The following CDH13 variants were observed in gnomAD, a reference collection of about 807,000 sequenced individuals.
CDH13 encodes cadherin-13.
CDH13 carries 24 observed loss-of-function variants against 63.8 expected under a neutral mutation model. The observed-to-expected ratio is 0.38, with a 90% CI of 0.27 to 0.53. The LOEUF is 0.53. CDH13 is among the 20% of genes least tolerant of loss of function. The pLI is 0.85. For synonymous variants in CDH13, 503 were observed against 355.3 expected, an observed-to-expected ratio of 1.42 and a Z score of -4.67; for missense variants, 1,049 against 903.1, an observed-to-expected ratio of 1.16 and a Z score of -2.07.
intron 6 of CDH13, among the ~76,000 whole-genome samples, chr16:83,457,304 G>T (rs1567685454): frequency 1.3e-5 from 2 of 152,138 alleles, no homozygotes; most frequent in South Asian, 4.1e-4. Context: ...ACCTCTAATT[G>T]TTACAGCTTA....
Position 83,113,907 on chromosome 16 carries a change from C to G in CDH13, c.367-11478C>G, listed in dbSNP as rs1010869819. On this transcript the variant is annotated intron_variant, in intron 3 of 13. Transcript: ENST00000567109. Reference sequence around the variant, plus strand: ...TGGATCTTCCTGGCCTTAGGAAACCCAGAGGCTTCATCCTTTGGCAAGGGG... The same window carrying G: ...TGGATCTTCCTGGCCTTAGGAAACCGAGAGGCTTCATCCTTTGGCAAGGGG... Among the ~76,000 whole-genome samples the G allele has an allele frequency of 5.3e-5, 8 of 152,110 alleles. No individual in the cohort carries two copies. In the South Asian group the frequency reaches 6.2e-4, roughly 12 times the overall value.
intron 2 of CDH13, among the ~76,000 whole-genome samples, chr16:82,875,784 A>C (rs1321483298): frequency 6.6e-6 from 1 of 152,218 alleles, no homozygotes; most frequent in Non-Finnish European, 1.5e-5. Flanking sequence ...TTTAATAGTA[A>C]AGGAGTGTTA....
intron 7 of CDH13, among the ~76,000 whole-genome samples, chr16:83,492,097 T>A (rs1266844317): frequency 6.6e-6 from 1 of 152,082 alleles, no homozygotes; most frequent in East Asian, 1.9e-4. Context: ...ATGTATTTGG[T>A]CAAAATGACC....
At chr16:83,395,968 C>T (rs2091879661) in intron 6 of CDH13, among the ~76,000 whole-genome samples, 1 of 152,072 alleles carries the variant, frequency 6.6e-6, no homozygotes, top group Non-Finnish European at 1.5e-5. Context: ...CTCCACCCTC[C>T]TGGTGTGTGT....
intron 1 of CDH13, among the ~76,000 whole-genome samples, chr16:82,715,376 CG>C (rs1417702165): frequency 6.6e-6 from 1 of 152,110 alleles, no homozygotes; most frequent in African/African-American, 2.4e-5. Context: ...GAGGCAAAGG[CG>C]GCCCCGCCCC....
At position 83,791,358 on chromosome 16, in the gene CDH13, C is replaced by T. The variant is rs960264145; in HGVS notation, c.2135-3665C>T. On this transcript the variant is annotated intron_variant, in intron 13 of 13. Coordinates refer to ENST00000567109, the MANE Select transcript of CDH13 (RefSeq NM_001257.5). ...TAAAGCTATAAAAATTACCTGGGCA[C>T]GGTGGCACACACCTGTAATCCCAGC... is the stretch of plus-strand genomic sequence containing the variant. Among the ~76,000 whole-genome samples, 38 of 151,906 alleles carry T rather than the reference C, an allele frequency of 2.5e-4. 1 individual carries two copies. The highest frequency in any genetic ancestry group is 1.7e-3 in the Admixed American group (26 of 15,234).
chr16:83,609,197 C>T (rs529125205), intron 8 of CDH13, among the ~76,000 whole-genome samples: 13 of 152,228 alleles, frequency 8.5e-5, no homozygotes, highest in South Asian at 4.1e-4. Flanking sequence ...GCTTTGAATG[C>T]GGCCCAACAC....
At chr16:83,426,571 T>C (rs1389043789) in intron 6 of CDH13, among the ~76,000 whole-genome samples, 3 of 151,562 alleles carry the variant, frequency 2.0e-5, no homozygotes, top group African/African-American at 7.3e-5. Context: ...TTGCCAGTTT[T>C]CCAGCCTCCT....
At chr16:83,646,015 G>T (rs1248846013) in intron 8 of CDH13, among the ~76,000 whole-genome samples, 1 of 152,168 alleles carries the variant, frequency 6.6e-6, no homozygotes, top group Admixed American at 6.5e-5. Context: ...TCCACATCCA[G>T]CCTCGCCCCG....
intron 8 of CDH13, among the ~76,000 whole-genome samples, chr16:83,626,846 G>A (rs944877962): frequency 1.3e-5 from 2 of 152,086 alleles, no homozygotes; most frequent in African/African-American, 4.8e-5. Flanking sequence ...CTCTCCCTAG[G>A]ACGCCTCGGA....
chr16:83,661,734 G>T (rs7200830), intron 8 of CDH13, among the ~76,000 whole-genome samples: 1 of 152,230 alleles, frequency 6.6e-6, no homozygotes. Flanking sequence ...GGTGGACTGT[G>T]CCAGGTGGGC....
chr16:82,923,208 G>A (rs1441122015), intron 2 of CDH13, among the ~76,000 whole-genome samples: 1 of 152,198 alleles, frequency 6.6e-6, no homozygotes, highest in Non-Finnish European at 1.5e-5. Context: ...ATAAAAGGAA[G>A]TATGCCTGTA....
At chr16:82,714,358 A>G (rs2032195210) in intron 1 of CDH13, among the ~76,000 whole-genome samples, 1 of 152,130 alleles carries the variant, frequency 6.6e-6, no homozygotes, top group South Asian at 2.1e-4. Flanking sequence ...TTTGCAGATA[A>G]TCAAATAAAA....
At chr16:83,017,025 G>A (rs1052581907) in intron 2 of CDH13, among the ~76,000 whole-genome samples, 4 of 152,134 alleles carry the variant, frequency 2.6e-5, no homozygotes, top group East Asian at 3.9e-4. Context: ...CAAATCTCAA[G>A]AGTTATTTGA....
chr16:83,624,311 T>C (rs997374981), intron 8 of CDH13, among the ~76,000 whole-genome samples: 3 of 151,740 alleles, frequency 2.0e-5, no homozygotes, highest in African/African-American at 4.8e-5. Context: ...AGACCGGGCA[T>C]TGATTCCCAG....
chr16:82,811,699 C>G (rs576609394), intron 1 of CDH13, among the ~76,000 whole-genome samples: 3 of 152,070 alleles, frequency 2.0e-5, no homozygotes, highest in Admixed American at 6.5e-5. Flanking sequence ...GCCATGGTGT[C>G]TTGTATTCCA....
intron 6 of CDH13, among the ~76,000 whole-genome samples, chr16:83,480,531 G>A (rs1269221192): frequency 6.6e-6 from 1 of 152,176 alleles, no homozygotes; most frequent in Admixed American, 6.5e-5. Context: ...TTAGATTGGT[G>A]TGTTTGGGGT....
chr16:83,273,798 G>A (rs757942094), intron 5 of CDH13, among the ~76,000 whole-genome samples: 4 of 152,156 alleles, frequency 2.6e-5, no homozygotes, highest in Admixed American at 6.5e-5. Context: ...ACTACGCAGC[G>A]AGGTAAGTTT....
At chr16:83,149,416 C>T (rs548262478) in intron 4 of CDH13, among the ~76,000 whole-genome samples, 80 of 152,198 alleles carry the variant, frequency 5.3e-4, no homozygotes, top group African/African-American at 1.8e-3. Flanking sequence ...TTATTCATTG[C>T]GTCCATGATA....
Sources: allele counts gnomAD v4.1 joint callset (sites outside exome capture counted in the v4.1 genomes callset), GRCh38; gene constraint gnomAD v4.1.1; transcripts MANE v1.5; gene names NCBI Gene and HGNC (gene_info 2026-07-23, HGNC 2026-07-21).